Variants in ADCY8 observed in about 807,000 individuals in gnomAD.
ADCY8 encodes the protein adenylate cyclase type 8.
Under a neutral mutation model 119.7 loss-of-function variants are expected in ADCY8, and 51 were observed. The ratio of observed to expected loss-of-function variants is 0.43; its 90% CI spans 0.34 to 0.54. The LOEUF is 0.54. Ranked by LOEUF, ADCY8 falls within the 20% of genes least tolerant of loss-of-function variation. The pLI is 0.03. For missense variants in ADCY8, 1,383 were observed against 1,598.8 expected (o/e 0.87, Z 2.30); for synonymous variants, 665 against 651.0 (o/e 1.02, Z -0.33).
chr8:130,798,405 T>C (rs1183444147), intron 15 of ADCY8, among the ~76,000 whole-genome samples: 1 of 151,976 alleles, frequency 6.6e-6, no homozygotes, highest in Admixed American at 6.6e-5. Flanking sequence ...GGAGAGAGGA[T>C]GGGGTAAGGG....
intron 4 of ADCY8, among the ~76,000 whole-genome samples, chr8:130,941,580 T>C (rs2130635431): frequency 6.6e-6 from 1 of 152,238 alleles, no homozygotes; most frequent in South Asian, 2.1e-4. Flanking sequence ...GGTATACATG[T>C]TTTCCCCCAG....
At chr8:130,996,306 A>G (rs946295324) in intron 1 of ADCY8, among the ~76,000 whole-genome samples, 2 of 152,090 alleles carry the variant, frequency 1.3e-5, no homozygotes, top group East Asian at 3.8e-4. Context: ...AAAATCCCAT[A>G]TGGAATTTTT....
At chr8:130,998,285 G>T (rs534218082) in intron 1 of ADCY8, among the ~76,000 whole-genome samples, 8 of 152,192 alleles carry the variant, frequency 5.3e-5, no homozygotes, top group Non-Finnish European at 1.2e-4. Context: ...TTCAGAGAAG[G>T]CCTCTCTGAT....
rs149050996 is a variant in ADCY8, at chr8:131,032,144, C to T, written c.960+7230G>A. Among the ~76,000 whole-genome samples the T allele has an allele frequency of 1.6e-3, 244 of 152,194 alleles. 1 individual carries two copies. The highest frequency in any genetic ancestry group is 4.8e-3 in the African/African-American group (198 of 41,520). ...TTTACACTGGCACTGTAGATGGAAA[C>T]GGCAGTTGTAAAAACATTACTCATT... On this transcript the variant is annotated intron_variant, in intron 1 of 17. Transcript: ENST00000286355.
intron 1 of ADCY8, among the ~76,000 whole-genome samples, chr8:131,032,941 C>T (rs1450529022): frequency 3.9e-5 from 6 of 152,130 alleles, no homozygotes; most frequent in African/African-American, 1.4e-4. Flanking sequence ...AGGTTCAAAC[C>T]TATGTATCAC....
chr8:131,022,284 C>A (rs1823694931), intron 1 of ADCY8, among the ~76,000 whole-genome samples: 1 of 152,148 alleles, frequency 6.6e-6, no homozygotes, highest in South Asian at 2.1e-4. Context: ...CCCTCCACCC[C>A]CAGGCAGGCC....
At chr8:130,800,332 A>AAAAC (rs1039524433) in intron 15 of ADCY8, 94 bp downstream of exon 15, 1 of 850,402 alleles carries the variant, frequency 1.2e-6, no homozygotes, top group Middle Eastern at 2.5e-4. Context: ...CGTTAAGTGC[A>AAAAC]AAAAAAAAAA....
At chr8:130,874,131 A>G (rs2130421875) in intron 8 of ADCY8, among the ~76,000 whole-genome samples, 1 of 152,044 alleles carries the variant, frequency 6.6e-6, no homozygotes, top group Admixed American at 6.6e-5. Flanking sequence ...AACATGGTGA[A>G]ATCCTGTCTC....
chr8:130,903,179 A>G lies in ADCY8; in HGVS notation c.1911+593T>C, dbSNP rs115365766. ...GTTATTGGTGATCTACTCCTTATGTACTGACTTAGTAGCCCTGTCCTTCAT... is the reference window on the plus strand; with the variant it reads ...GTTATTGGTGATCTACTCCTTATGTGCTGACTTAGTAGCCCTGTCCTTCAT... On this transcript the variant is annotated intron_variant, in intron 7 of 17. Transcript: ENST00000286355. Among the ~76,000 whole-genome samples, 327 of 152,272 alleles carry G rather than the reference A, an allele frequency of 2.1e-3. 3 individuals carry two copies. Among genetic ancestry groups the G allele is most frequent in the African/African-American group, 7.6e-3 (315 of 41,570 alleles).
intron 12 of ADCY8, 74 bp from the exon 13 acceptor site, chr8:130,821,494 A>T: frequency 8.9e-7 from 1 of 1,123,290 alleles, no homozygotes; most frequent in South Asian, 1.3e-5. Context: ...GAGGTTCAGA[A>T]AGGAGTGGTA....
At chr8:130,869,505 TTTA>T (rs1206698670) in intron 8 of ADCY8, among the ~76,000 whole-genome samples, 20 of 103,658 alleles carry the variant, frequency 1.9e-4, no homozygotes, top group African/African-American at 7.0e-4. Flanking sequence ...TTTTATTTTG[TTTA>T]TTTTTTTTTG....
At chr8:130,796,391 GA>G (rs1815579160) in intron 15 of ADCY8, among the ~76,000 whole-genome samples, 3 of 152,164 alleles carry the variant, frequency 2.0e-5, no homozygotes. Flanking sequence ...GTGGGATGAG[GA>G]GCCCTTGAGT....
intron 1 of ADCY8, among the ~76,000 whole-genome samples, chr8:131,028,108 TC>T (rs1433456569): frequency 6.6e-6 from 1 of 152,210 alleles, no homozygotes; most frequent in African/African-American, 2.4e-5. Flanking sequence ...GAACTATCCT[TC>T]TTTTAGACAT....
chr8:130,962,334 G>C (rs555793463), intron 2 of ADCY8, among the ~76,000 whole-genome samples: 12 of 152,208 alleles, frequency 7.9e-5, no homozygotes, highest in Non-Finnish European at 1.8e-4. Flanking sequence ...CCCAACTCCT[G>C]CTGGGGCGCA....
chr8:130,897,889 C>T (rs1369529679), intron 7 of ADCY8, among the ~76,000 whole-genome samples: 1 of 151,180 alleles, frequency 6.6e-6, no homozygotes, highest in Non-Finnish European at 1.5e-5. Context: ...CACATACATA[C>T]CGTACACACA....
intron 7 of ADCY8, 129 bp from the exon 8 acceptor site, chr8:130,884,890 A>C: frequency 1.0e-6 from 1 of 956,204 alleles, no homozygotes; most frequent in Non-Finnish European, 1.7e-6. Flanking sequence ...ATTCAGTGAA[A>C]CCTACAGAAG....
intron 2 of ADCY8, 131 bp downstream of exon 2, chr8:130,990,262 T>C (rs1822532774): frequency 8.1e-7 from 1 of 1,230,368 alleles, no homozygotes; most frequent in Non-Finnish European, 1.1e-6. Flanking sequence ...TTTCAGACTC[T>C]GGAATCCTGT....
intron 3 of ADCY8, among the ~76,000 whole-genome samples, chr8:130,945,390 G>A (rs1001732514): frequency 9.2e-5 from 14 of 152,312 alleles, no homozygotes; most frequent in East Asian, 3.9e-4. Flanking sequence ...CTACAGTTCC[G>A]TGGTGGCAGA....
At chr8:130,992,786 A>G (rs1822640857) in intron 1 of ADCY8, among the ~76,000 whole-genome samples, 1 of 151,868 alleles carries the variant, frequency 6.6e-6, no homozygotes, top group East Asian at 1.9e-4. Context: ...GGCCTAACAT[A>G]CATATAATTG....
Sources: allele counts gnomAD v4.1 joint callset (sites outside exome capture counted in the v4.1 genomes callset), GRCh38; gene constraint gnomAD v4.1.1; transcripts MANE v1.5; gene names NCBI Gene and HGNC (gene_info 2026-07-23, HGNC 2026-07-21).